Variants in PTPRO observed in about 807,000 individuals in gnomAD.
The protein encoded by PTPRO is protein tyrosine phosphatase receptor type O.
In PTPRO, 62 loss-of-function variants were observed where a neutral mutation model predicts 145.2. That is an observed-to-expected ratio of 0.43 (90% confidence interval 0.35 to 0.53). The LOEUF is 0.53. PTPRO is among the 20% of genes least tolerant of loss of function. The probability of loss-of-function intolerance (pLI) is 0.01; values close to 1 mark genes in which losing one functional copy is unlikely to be tolerated. For synonymous variants in PTPRO, 565 were observed against 514.7 expected (o/e 1.10, Z -1.32); for missense variants, 1,345 against 1,482.7 (o/e 0.91, Z 1.53).
intron 1 of PTPRO, among the ~76,000 whole-genome samples, chr12:15,455,507 T>A (rs1171154579): frequency 6.6e-6 from 1 of 152,146 alleles, no homozygotes; most frequent in African/African-American, 2.4e-5. Context: ...CCTTTCCAAT[T>A]GTTTGTGTCT....
intron 15 of PTPRO, among the ~76,000 whole-genome samples, chr12:15,556,348 G>A (rs760462148): frequency 4.6e-5 from 7 of 152,088 alleles, no homozygotes; most frequent in Non-Finnish European, 8.8e-5. Flanking sequence ...CATTGTGCCA[G>A]TAATGTTAAA....
chr12:15,365,305 A>G (rs1591745585), intron 1 of PTPRO, among the ~76,000 whole-genome samples: 1 of 152,148 alleles, frequency 6.6e-6, no homozygotes, highest in East Asian at 1.9e-4. Context: ...GTGAGACTCA[A>G]ACAAAAGCAT....
intron 1 of PTPRO, among the ~76,000 whole-genome samples, chr12:15,433,738 C>A (rs899513573): frequency 2.6e-5 from 4 of 152,154 alleles, no homozygotes; most frequent in African/African-American, 9.7e-5. Context: ...GTACCAATAC[C>A]ATGCTGCTTT....
intron 11 of PTPRO, 54 bp from the exon 12 acceptor site, chr12:15,526,088 G>A: frequency 1.9e-6 from 3 of 1,610,984 alleles, no homozygotes; most frequent in South Asian, 1.1e-5. Context: ...GTTTGGGGTG[G>A]TGCACTGATT....
intron 1 of PTPRO, among the ~76,000 whole-genome samples, chr12:15,344,594 T>C (rs1402396596): frequency 1.3e-5 from 2 of 152,256 alleles, no homozygotes; most frequent in Admixed American, 6.5e-5. Flanking sequence ...TCTCAGATTA[T>C]ATAAAACTCA....
chr12:15,366,842 T>C (rs932074404), intron 1 of PTPRO, among the ~76,000 whole-genome samples: 1 of 152,180 alleles, frequency 6.6e-6, no homozygotes, highest in Non-Finnish European at 1.5e-5. Flanking sequence ...TAAGACTACA[T>C]GCTGAATTCA....
intron 1 of PTPRO, among the ~76,000 whole-genome samples, chr12:15,443,799 C>A (rs949973460): frequency 6.6e-6 from 1 of 152,096 alleles, no homozygotes; most frequent in African/African-American, 2.4e-5. Flanking sequence ...GCATCTCACA[C>A]CAGTCAGAAC....
At position 15,530,415 on chromosome 12, in the gene PTPRO, A is replaced by C. The variant is rs141328950; in HGVS notation, c.2164+4153A>C. 3.3e-5 allele frequency among the ~76,000 whole-genome samples: 5 copies of C among 152,328 alleles called. No homozygotes were observed. The East Asian group carries it at 9.6e-4, about 29-fold the overall frequency. ...TTAAAGAACATTTCACCCAACTGCTATGGAATACACATTGTTTTCACTGCA... is the reference window on the plus strand; with the variant it reads ...TTAAAGAACATTTCACCCAACTGCTCTGGAATACACATTGTTTTCACTGCA... On this transcript the variant is annotated intron_variant, in intron 12 of 26. Coordinates refer to ENST00000281171, the MANE Select transcript of PTPRO (RefSeq NM_030667.3).
At position 15,374,387 on chromosome 12, in the gene PTPRO, C is replaced by G. The variant is rs572614202; in HGVS notation, c.75+51586C>G. ...CTGAAAATTAGCCAAATACATGTAA[C>G]AATTTGAGGAGTGTTTTATTTATTA... On this transcript the variant is annotated intron_variant, in intron 1 of 26. Transcript: ENST00000281171. Among the ~76,000 whole-genome samples the G allele has an allele frequency of 2.7e-5, 4 of 149,628 alleles. No individual in the cohort carries two copies. In the South Asian group the frequency reaches 8.4e-4, roughly 31 times the overall value.
rs80061325 is a variant in PTPRO at position 15,500,403 on chromosome 12, A to G, written c.661+809A>G. On this transcript the variant is annotated intron_variant, in intron 4 of 26. Coordinates refer to ENST00000281171, the MANE Select transcript of PTPRO (RefSeq NM_030667.3). ...AGTTAAGATTCTATTTATGTTTTTC[A>G]TTATTCAATGTAAGTAGAAAAACAT... Among the ~76,000 whole-genome samples, 1,318 of 152,272 alleles carry G rather than the reference A, an allele frequency of 8.7e-3. 19 individuals carry two copies. Among genetic ancestry groups the G allele is most frequent in the African/African-American group, 0.03 (1,258 of 41,550 alleles).
intron 1 of PTPRO, among the ~76,000 whole-genome samples, chr12:15,475,425 A>T (rs1297855791): frequency 6.6e-6 from 1 of 152,352 alleles, no homozygotes; most frequent in Admixed American, 6.5e-5. Flanking sequence ...ATAATAAGGA[A>T]ATATAAATAA....
At chr12:15,538,378 C>G (rs968804909) in intron 12 of PTPRO, among the ~76,000 whole-genome samples, 3 of 152,136 alleles carry the variant, frequency 2.0e-5, no homozygotes, top group African/African-American at 7.2e-5. Flanking sequence ...GTGCGCACCA[C>G]CACGCCTGGC....
chr12:15,547,583 C>CTTTTGTATTA lies in PTPRO; in HGVS notation c.2304+880_2304+881insTATTATTTTG, dbSNP rs1223389741. ...GATAATTTGCTTTGATTCCTTTCTC[C>CTTTTGTATTA]TTTTGAGATTCCCTTCTATGAATGT... is the stretch of plus-strand genomic sequence containing the variant. On this transcript the variant is annotated intron_variant, in intron 13 of 26. Transcript: ENST00000281171. Among the ~76,000 whole-genome samples, 3 of 152,048 alleles carry CTTTTGTATTA rather than the reference C, an allele frequency of 2.0e-5. No homozygotes were observed. In the East Asian group the frequency reaches 5.8e-4, roughly 29 times the overall value.
intron 3 of PTPRO, among the ~76,000 whole-genome samples, chr12:15,497,673 A>G (rs1300174210): frequency 6.6e-6 from 1 of 152,242 alleles, no homozygotes. Flanking sequence ...CTAAGGCAGC[A>G]TGCCTGGTGC....
chr12:15,543,286 G>A (rs528779623), intron 12 of PTPRO, among the ~76,000 whole-genome samples: 35 of 152,264 alleles, frequency 2.3e-4, no homozygotes, highest in South Asian at 6.2e-4. Context: ...AATTTGTTAC[G>A]TGGTTGTTAG....
chr12:15,386,346 CA>C (rs1939027523), intron 1 of PTPRO, among the ~76,000 whole-genome samples: 1 of 151,854 alleles, frequency 6.6e-6, no homozygotes, highest in African/African-American at 2.4e-5. Context: ...TGAAAAAGAA[CA>C]AAAAATAACT....
chr12:15,539,416 T>A (rs1415999167), intron 12 of PTPRO, among the ~76,000 whole-genome samples: 1 of 152,108 alleles, frequency 6.6e-6, no homozygotes, highest in Non-Finnish European at 1.5e-5. Context: ...TATCAACCCA[T>A]CTAGTGATTC....
chr12:15,506,855 A>G (rs535320170), intron 6 of PTPRO, among the ~76,000 whole-genome samples: 4 of 152,294 alleles, frequency 2.6e-5, no homozygotes, highest in South Asian at 2.1e-4. Flanking sequence ...CACAGATGCA[A>G]TGACTGAGAT....
intron 1 of PTPRO, among the ~76,000 whole-genome samples, chr12:15,324,627 T>C (rs985646197): frequency 3.9e-5 from 6 of 152,210 alleles, no homozygotes; most frequent in East Asian, 1.9e-4. Flanking sequence ...GTGGGACACA[T>C]AATTTTGTAA....
Sources: allele counts gnomAD v4.1 joint callset (sites outside exome capture counted in the v4.1 genomes callset), GRCh38; gene constraint gnomAD v4.1.1; transcripts MANE v1.5; gene names NCBI Gene and HGNC (gene_info 2026-07-23, HGNC 2026-07-21).